The following TTC28 variants were observed in gnomAD, a reference collection of about 807,000 sequenced individuals.
The protein encoded by TTC28 is tetratricopeptide repeat protein 28.
In TTC28, 61 loss-of-function variants were observed where a neutral mutation model predicts 198.0. The observed-to-expected ratio is 0.31, with a 90% CI of 0.25 to 0.38. TTC28 has a LOEUF of 0.38. Among genes scored for constraint, TTC28 ranks in the 10% least tolerant of loss-of-function variants. TTC28 has a pLI of 1.00. For synonymous variants in TTC28, 1,171 were observed against 1,297.8 expected (o/e 0.90, Z 2.10); for missense variants, 2,678 against 3,164.0 (o/e 0.85, Z 3.69).
At chr22:28,677,961 A>T (rs896261893) in intron 1 of TTC28, among the ~76,000 whole-genome samples, 2 of 152,012 alleles carry the variant, frequency 1.3e-5, no homozygotes, top group Non-Finnish European at 2.9e-5. Context: ...AAAAGAAGAA[A>T]ATTTAAATTA....
intron 2 of TTC28, among the ~76,000 whole-genome samples, chr22:28,344,755 T>C (rs1318043022): frequency 6.6e-6 from 1 of 152,166 alleles, no homozygotes; most frequent in Non-Finnish European, 1.5e-5. Flanking sequence ...AGTTTTTCTC[T>C]CCTTTCATCT....
At chr22:28,585,316 G>A (rs1242660916) in intron 2 of TTC28, among the ~76,000 whole-genome samples, 2 of 152,158 alleles carry the variant, frequency 1.3e-5, no homozygotes, top group East Asian at 3.9e-4. Flanking sequence ...TTTTCCTGCA[G>A]CTAGACGGTC....
At chr22:28,202,948 CAG>C (rs1249333306) in intron 5 of TTC28, among the ~76,000 whole-genome samples, 5 of 151,978 alleles carry the variant, frequency 3.3e-5, no homozygotes, top group African/African-American at 9.7e-5. Flanking sequence ...CTTCCCTTTA[CAG>C]AGTGACCAGA....
intron 6 of TTC28, among the ~76,000 whole-genome samples, chr22:28,140,934 A>AGAGGAGGAG (rs57274885): frequency 6.6e-6 from 1 of 150,916 alleles, no homozygotes; most frequent in Non-Finnish European, 1.5e-5. Context: ...ATGCAAAGGA[A>AGAGGAGGAG]GAGGAGGAGG....
intron 5 of TTC28, among the ~76,000 whole-genome samples, chr22:28,281,985 C>T (rs375832683): frequency 6.6e-6 from 1 of 152,158 alleles, no homozygotes. Context: ...CCTCTGATTC[C>T]TCAATCAATA....
intron 5 of TTC28, among the ~76,000 whole-genome samples, chr22:28,295,083 A>T (rs931212406): frequency 2.0e-5 from 3 of 152,200 alleles, no homozygotes; most frequent in African/African-American, 7.2e-5. Flanking sequence ...GGGCAATAAG[A>T]AAAGTGTTCA....
At chr22:28,004,527 C>T (rs1181139654) in intron 14 of TTC28, among the ~76,000 whole-genome samples, 1 of 152,232 alleles carries the variant, frequency 6.6e-6, no homozygotes, top group Non-Finnish European at 1.5e-5. Context: ...GTCCTCCCTG[C>T]ATCATGCCTA....
At chr22:28,040,532 A>G (rs539157797) in intron 12 of TTC28, among the ~76,000 whole-genome samples, 4 of 152,364 alleles carry the variant, frequency 2.6e-5, no homozygotes, top group East Asian at 1.9e-4. Context: ...ACAAAATTCA[A>G]CAGCCCTTCA....
rs185719648 is a variant in TTC28 at position 28,305,850 on chromosome 22, C to T, written c.529+646G>A. On this transcript the variant is annotated intron_variant, in intron 3 of 22. Coordinates refer to ENST00000397906, the MANE Select transcript of TTC28 (RefSeq NM_001145418.2). ...CCAATCTGTTTTGGGCCTCAGAACT[C>T]CTCCAACCTCTACAGTACCATTTTC... 5.9e-5 allele frequency among the ~76,000 whole-genome samples: 9 copies of T among 152,292 alleles called. No homozygotes were observed. In the East Asian group the frequency reaches 1.7e-3, roughly 29 times the overall value.
chr22:28,063,735 G>A (rs887548792), intron 12 of TTC28, among the ~76,000 whole-genome samples: 5 of 151,960 alleles, frequency 3.3e-5, no homozygotes, highest in Non-Finnish European at 5.9e-5. Context: ...CCATCCACAC[G>A]CATAACACAG....
At chr22:28,265,267 C>T (rs866475708) in intron 5 of TTC28, among the ~76,000 whole-genome samples, 19 of 152,294 alleles carry the variant, frequency 1.2e-4, no homozygotes, top group Middle Eastern at 3.4e-3. Context: ...GGGTCACGCA[C>T]ACCATGTATC....
chr22:28,534,419 G>A (rs1216363530), intron 2 of TTC28, among the ~76,000 whole-genome samples: 4 of 152,196 alleles, frequency 2.6e-5, no homozygotes, highest in Admixed American at 1.3e-4. Flanking sequence ...AACAACAGGT[G>A]CTGGACAGGA....
intron 6 of TTC28, among the ~76,000 whole-genome samples, chr22:28,124,192 G>GTTGTTGTTGT (rs1942861403): frequency 6.9e-6 from 1 of 144,158 alleles, no homozygotes; most frequent in African/African-American, 2.9e-5. Flanking sequence ...TGTTGTTGTT[G>GTTGTTGTTGT]TTGTTGTTTG....
At chr22:28,026,050 G>C (rs768808480) in intron 13 of TTC28, among the ~76,000 whole-genome samples, 12 of 152,182 alleles carry the variant, frequency 7.9e-5, no homozygotes, top group Non-Finnish European at 1.2e-4. Flanking sequence ...GTCCTCCTGT[G>C]TATTACAGTC....
chr22:28,331,867 T>C (rs2045621926), intron 2 of TTC28, among the ~76,000 whole-genome samples: 1 of 152,096 alleles, frequency 6.6e-6, no homozygotes, highest in Admixed American at 6.6e-5. Flanking sequence ...TTGAAAAAGA[T>C]GCACTACCCC....
chr22:28,602,639 T>C (rs1420497149), intron 2 of TTC28, among the ~76,000 whole-genome samples: 1 of 152,214 alleles, frequency 6.6e-6, no homozygotes, highest in African/African-American at 2.4e-5. Context: ...AAGTCCTTTG[T>C]ACTAATCTTG....
At chr22:28,613,757 A>G (rs990245922) in intron 2 of TTC28, among the ~76,000 whole-genome samples, 3 of 152,256 alleles carry the variant, frequency 2.0e-5, no homozygotes, top group African/African-American at 7.2e-5. Context: ...CTTCATGATA[A>G]AAACTCTCAA....
chr22:28,067,474 A>G lies in TTC28; in HGVS notation c.3932+26606T>C, dbSNP rs1403305436. Among the ~76,000 whole-genome samples, 4 of 152,270 alleles carry G rather than the reference A, an allele frequency of 2.6e-5. No individual in the cohort carries two copies. In the East Asian group the frequency reaches 7.7e-4, roughly 29 times the overall value. ...AATCCCAATGATAAGAAAATAAAAG[A>G]TTTGGAAAACTGGGGGGCAAGCAAA... On this transcript the variant is annotated intron_variant, in intron 12 of 22. Transcript: ENST00000397906.
chr22:28,555,284 G>A (rs1361777309), intron 2 of TTC28, among the ~76,000 whole-genome samples: 3 of 152,186 alleles, frequency 2.0e-5, no homozygotes, highest in East Asian at 1.9e-4. Flanking sequence ...AAACAGTGTG[G>A]AGACTCATTA....
Sources: gnomAD v4.1 joint callset for allele counts (sites outside exome capture counted in the v4.1 genomes callset) on GRCh38, gnomAD v4.1.1 for gene constraint, MANE v1.5 for transcripts, NCBI Gene and HGNC (gene_info 2026-07-23, HGNC 2026-07-21) for gene names.